The following LMNTD1 variants were observed in gnomAD, a reference collection of about 807,000 sequenced individuals.
LMNTD1 encodes lamin tail domain containing 1.
LMNTD1 carries 35 observed loss-of-function variants against 50.9 expected under a neutral mutation model. The ratio of observed to expected loss-of-function variants is 0.69; its 90% confidence interval spans 0.53 to 0.91. The LOEUF is 0.91. Among genes scored for constraint, LMNTD1 ranks in the 40% least tolerant of loss-of-function variants. The pLI, the probability that LMNTD1 is intolerant of heterozygous loss-of-function variation, is 0.00. For missense variants in LMNTD1, 470 were observed against 475.5 expected, an observed-to-expected ratio of 0.99 and a Z score of 0.11; for synonymous variants, 153 against 161.9, an observed-to-expected ratio of 0.94 and a Z score of 0.42.
intron 1 of LMNTD1, among the ~76,000 whole-genome samples, chr12:25,628,554 A>T (rs774826589): frequency 3.9e-5 from 6 of 152,156 alleles, no homozygotes; most frequent in Middle Eastern, 3.4e-3. Flanking sequence ...GGCAAGGGGA[A>T]CTCTGCAGAT....
At chr12:25,483,478 A>G (rs1001431618) in intron 9 of LMNTD1, among the ~76,000 whole-genome samples, 3 of 151,810 alleles carry the variant, frequency 2.0e-5, no homozygotes, top group East Asian at 3.9e-4. Flanking sequence ...GGCATTTAAG[A>G]ATGAGTAGTT....
rs533366640 is a variant in LMNTD1, at chr12:25,526,339, C to A, written c.679-121G>T. ...AGGTTTTAAAATATAATGACTATAT[C>A]ATATACAATGTCAAGCTATGCAACA... On this transcript the variant is annotated intron_variant, in intron 5 of 9. Coordinates refer to ENST00000458174, the MANE Select transcript of LMNTD1 (RefSeq NM_001145728.2). The A allele has an allele frequency of 1.4e-4, 131 of 921,396 alleles. 1 individual carries two copies. The African/African-American group carries it at 1.9e-3, about 13-fold the overall frequency. 57.1% of individuals were successfully genotyped at this position (921,396 alleles called of 1,614,324 possible). A position where few individuals can be genotyped will look rare whatever the true frequency, so the allele number is the denominator to read the frequency against.
At chr12:25,542,759 A>AAT (rs386375961) in intron 4 of LMNTD1, among the ~76,000 whole-genome samples, 1 of 150,562 alleles carries the variant, frequency 6.6e-6, no homozygotes, top group African/African-American at 2.4e-5. Flanking sequence ...AAGAAAAAAA[A>AAT]AGCCCAAAGT....
chr12:25,604,483 T>A (rs1946050207), intron 1 of LMNTD1, among the ~76,000 whole-genome samples: 2 of 152,096 alleles, frequency 1.3e-5, no homozygotes, highest in Admixed American at 1.3e-4. Flanking sequence ...TATCTCCTAA[T>A]GCTATCCCTC....
intron 1 of LMNTD1, among the ~76,000 whole-genome samples, chr12:25,610,905 G>A (rs886322371): frequency 2.0e-5 from 3 of 152,192 alleles, no homozygotes; most frequent in African/African-American, 7.2e-5. Flanking sequence ...CAGAGGCTCA[G>A]ACTGAAGGAA....
At position 25,488,056 on chromosome 12, in the gene LMNTD1, G is replaced by T. The variant is rs1162455268; in HGVS notation, c.*23-11596C>A. The stretch of plus-strand genomic sequence containing the variant: ...GGTAACCCGACCTTTCTCTCTGGCT[G>T]CCCTTAACATTTTTTCCTTCATTTC... On this transcript the variant is annotated intron_variant, in intron 9 of 9. Transcript: ENST00000458174. Among the ~76,000 whole-genome samples, 152 of 148,084 alleles carry T rather than the reference G, an allele frequency of 1.0e-3. 1 individual carries two copies. Among genetic ancestry groups the T allele is most frequent in the African/African-American group, 3.6e-3 (147 of 40,432 alleles).
intron 4 of LMNTD1, among the ~76,000 whole-genome samples, chr12:25,537,260 C>T (rs1591948914): frequency 6.6e-6 from 1 of 152,342 alleles, no homozygotes; most frequent in East Asian, 1.9e-4. Context: ...CTGTAGGCTC[C>T]ACCTCTGGGG....
intron 1 of LMNTD1, among the ~76,000 whole-genome samples, chr12:25,606,481 C>A (rs1262787579): frequency 6.6e-6 from 1 of 152,124 alleles, no homozygotes; most frequent in Non-Finnish European, 1.5e-5. Flanking sequence ...TCATAGATAG[C>A]ACTTATTATT....
chr12:25,566,910 T>C (rs1418341932), intron 1 of LMNTD1, among the ~76,000 whole-genome samples: 1 of 152,194 alleles, frequency 6.6e-6, no homozygotes, highest in Non-Finnish European at 1.5e-5. Context: ...AAATTTAGGC[T>C]GGTAAATAGA....
intron 6 of LMNTD1, among the ~76,000 whole-genome samples, chr12:25,523,355 A>G (rs1204322830): frequency 6.6e-6 from 1 of 152,162 alleles, no homozygotes; most frequent in Non-Finnish European, 1.5e-5. Flanking sequence ...AAAATGACCC[A>G]TAATATAACT....
At position 25,643,848 on chromosome 12, in the gene LMNTD1, G is replaced by C. The variant is rs191984456; in HGVS notation, c.58+4646C>G. 4.6e-5 allele frequency among the ~76,000 whole-genome samples: 7 copies of C among 152,254 alleles called. No homozygotes were observed. The East Asian group carries it at 1.4e-3, about 29-fold the overall frequency. On this transcript the variant is annotated intron_variant, in intron 1 of 7. Transcript: ENST00000445693. ...AGTTGATTATGAGTCCAAAATTCAGGGTGTCGGATGAATGGCAAATGGCAC... is the reference window on the plus strand; with the variant it reads ...AGTTGATTATGAGTCCAAAATTCAGCGTGTCGGATGAATGGCAAATGGCAC...
chr12:25,584,692 CAG>C (rs1157763600), intron 1 of LMNTD1, among the ~76,000 whole-genome samples: 1 of 152,178 alleles, frequency 6.6e-6, no homozygotes, highest in Non-Finnish European at 1.5e-5. Context: ...ATACAACTAA[CAG>C]GGTTAAAACT....
intron 1 of LMNTD1, among the ~76,000 whole-genome samples, chr12:25,615,450 T>G (rs577344256): frequency 3.3e-5 from 5 of 150,956 alleles, no homozygotes; most frequent in African/African-American, 7.4e-5. Flanking sequence ...ATCCTTTTTT[T>G]AATTTTTTAA....
chr12:25,560,283 C>T (rs1007480635), intron 1 of LMNTD1, among the ~76,000 whole-genome samples: 18 of 152,154 alleles, frequency 1.2e-4, no homozygotes, highest in Admixed American at 5.9e-4. Context: ...TTCCCAGCAC[C>T]GTTTATTAAA....
At chr12:25,620,847 T>A (rs998129531) in intron 1 of LMNTD1, among the ~76,000 whole-genome samples, 1 of 152,214 alleles carries the variant, frequency 6.6e-6, no homozygotes, top group African/African-American at 2.4e-5. Context: ...ACATGTCAAG[T>A]GCTTTATACG....
At chr12:25,492,987 G>C (rs1022270469) in intron 9 of LMNTD1, among the ~76,000 whole-genome samples, 1 of 152,116 alleles carries the variant, frequency 6.6e-6, no homozygotes, top group Non-Finnish European at 1.5e-5. Flanking sequence ...TGTATTTGCT[G>C]CATGTCCTGA....
intron 1 of LMNTD1, among the ~76,000 whole-genome samples, chr12:25,561,966 G>T (rs1398029253): frequency 6.6e-6 from 1 of 152,046 alleles, no homozygotes; most frequent in African/African-American, 2.4e-5. Context: ...AACCCCTGCT[G>T]TTTTATGTTT....
intron 9 of LMNTD1, among the ~76,000 whole-genome samples, chr12:25,484,881 C>T (rs1275872533): frequency 2.0e-5 from 3 of 146,920 alleles, no homozygotes; most frequent in Non-Finnish European, 4.5e-5. Flanking sequence ...ATATGTGCCA[C>T]ATTTTCTTAA....
Position 25,518,822 on chromosome 12 carries a change from G to T in LMNTD1, c.1162C>A (p.Arg388=). The change falls in exon 8 of 10, where the codon CGG becomes AGG. Residue 388 remains arginine (R), a synonymous_variant. Coordinates refer to ENST00000458174, the MANE Select transcript of LMNTD1 (RefSeq NM_001145728.2). ...GGRLDRQPRT[R]STRPNRASGS... ...GAGGCTCGATTAGGTCTGGTTGACC[G>T]AGTCCTGGGCTGTCTATCCAATCTG... 1 of 1,614,110 alleles carries T rather than the reference G, an allele frequency of 6.2e-7. No homozygotes were observed. Among genetic ancestry groups the T allele is most frequent in the Non-Finnish European group, 8.5e-7 (1 of 1,180,006 alleles).
Sources: gnomAD v4.1 joint callset for allele counts (sites outside exome capture counted in the v4.1 genomes callset) on GRCh38, gnomAD v4.1.1 for gene constraint, MANE v1.5 for transcripts, NCBI Gene and HGNC (gene_info 2026-07-23, HGNC 2026-07-21) for gene names.